Variants in KLHL1 observed in about 807,000 individuals in gnomAD.
The protein encoded by KLHL1 is kelch-like protein 1.
In KLHL1, 47 loss-of-function variants were observed where a neutral mutation model predicts 77.7. The observed-to-expected ratio is 0.60, with a 90% CI of 0.48 to 0.77. The LOEUF (loss-of-function observed/expected upper bound fraction) is 0.77. Among genes scored for constraint, KLHL1 ranks in the 30% least tolerant of loss-of-function variants. The probability of loss-of-function intolerance (pLI) is 0.00; values close to 1 mark genes in which losing one functional copy is unlikely to be tolerated. For missense variants in KLHL1, 925 were observed against 910.8 expected, an observed-to-expected ratio of 1.02 and a Z score of -0.20; for synonymous variants, 360 against 325.2, an observed-to-expected ratio of 1.11 and a Z score of -1.15.
At chr13:69,934,962 G>GCATATATATATATATATATA in intron 4 of KLHL1, among the ~76,000 whole-genome samples, 1 of 129,800 alleles carries the variant, frequency 7.7e-6, no homozygotes, top group East Asian at 2.7e-4. Context: ...GTGTGCATGT[G>GCATATATATATATATATATA]TATATATATA....
chr13:69,895,146 C>T (rs191664401), intron 4 of KLHL1: 431 of 466,276 alleles, frequency 9.2e-4, no homozygotes, highest in Non-Finnish European at 1.6e-3. Context: ...ATGAATTCTT[C>T]CTCCATGAGA....
chr13:69,933,252 A>C (rs1243804827), intron 4 of KLHL1, among the ~76,000 whole-genome samples: 2 of 152,168 alleles, frequency 1.3e-5, no homozygotes, highest in Non-Finnish European at 2.9e-5. Flanking sequence ...ACAAAATGAT[A>C]AATAAAAGAA....
chr13:69,718,700 G>T (rs1396997325), intron 9 of KLHL1, among the ~76,000 whole-genome samples: 1 of 152,050 alleles, frequency 6.6e-6, no homozygotes, highest in Non-Finnish European at 1.5e-5. Context: ...AGCCCAAAGA[G>T]AACTCAGCGA....
chr13:69,784,048 G>T (rs1426512629), intron 7 of KLHL1, among the ~76,000 whole-genome samples: 11 of 152,092 alleles, frequency 7.2e-5, no homozygotes, highest in Non-Finnish European at 1.3e-4. Context: ...TTAAAGAAAA[G>T]AATTTTCAAC....
rs186952637 is a variant in KLHL1 at position 70,105,617 on chromosome 13, C to T, written c.497+1586G>A. 1.3e-4 allele frequency among the ~76,000 whole-genome samples: 19 copies of T among 151,358 alleles called. No individual in the cohort carries two copies. In the East Asian group the frequency reaches 2.0e-3, roughly 16 times the overall value. ...CCTTTTGAATATATAAGGTGAATTGCTTAATGTTTCTGGATAATTCCTCCC... is the reference window on the plus strand; with the variant it reads ...CCTTTTGAATATATAAGGTGAATTGTTTAATGTTTCTGGATAATTCCTCCC... On this transcript the variant is annotated intron_variant, in intron 1 of 10. Coordinates refer to ENST00000377844, the MANE Select transcript of KLHL1 (RefSeq NM_020866.3).
chr13:70,084,538 A>C (rs1348205885), intron 1 of KLHL1, among the ~76,000 whole-genome samples: 1 of 129,368 alleles, frequency 7.7e-6, no homozygotes, highest in African/African-American at 3.0e-5. Context: ...TGCTCACTGC[A>C]AGCTCCACCT....
intron 6 of KLHL1, among the ~76,000 whole-genome samples, chr13:69,813,599 T>A (rs954828049): frequency 1.3e-5 from 2 of 152,014 alleles, no homozygotes; most frequent in Non-Finnish European, 2.9e-5. Flanking sequence ...CATTTCTATA[T>A]ACAAATAATG....
intron 1 of KLHL1, among the ~76,000 whole-genome samples, chr13:69,981,942 T>A (rs1312101686): frequency 1.8e-5 from 2 of 113,190 alleles, no homozygotes; most frequent in South Asian, 2.2e-4. Flanking sequence ...AAATAATAAC[T>A]TTTTTTCAGA....
chr13:69,868,252 A>T (rs1880446936), intron 5 of KLHL1, among the ~76,000 whole-genome samples: 1 of 152,126 alleles, frequency 6.6e-6, no homozygotes, highest in African/African-American at 2.4e-5. Context: ...CTGCCAAATA[A>T]ATTAAAAACA....
intron 1 of KLHL1, among the ~76,000 whole-genome samples, chr13:70,043,729 A>G (rs1596076): frequency 0.063 from 9,541 of 152,298 alleles, 881 homozygotes; most frequent in African/African-American, 0.2. Context: ...TATACCATGT[A>G]GCCTACATGT....
At chr13:70,054,610 C>A (rs779411547) in intron 1 of KLHL1, among the ~76,000 whole-genome samples, 5 of 151,664 alleles carry the variant, frequency 3.3e-5, no homozygotes, top group Non-Finnish European at 5.9e-5. Flanking sequence ...AAATATGTAA[C>A]CTTTCAGACA....
At chr13:69,748,337 T>C (rs1467406106) in intron 7 of KLHL1, among the ~76,000 whole-genome samples, 1 of 152,054 alleles carries the variant, frequency 6.6e-6, no homozygotes. Flanking sequence ...TGCACATGGC[T>C]GAGGAGGCCT....
chr13:70,099,298 A>G (rs980273966), intron 1 of KLHL1, among the ~76,000 whole-genome samples: 2 of 151,718 alleles, frequency 1.3e-5, no homozygotes, highest in African/African-American at 2.4e-5. Flanking sequence ...CTGCCCCATT[A>G]ATGTAAAGCC....
At chr13:69,908,838 A>G (rs1272691068) in intron 4 of KLHL1, among the ~76,000 whole-genome samples, 2 of 151,144 alleles carry the variant, frequency 1.3e-5, no homozygotes, top group Non-Finnish European at 3.0e-5. Context: ...AGAGTTTATT[A>G]TAGTATATGG....
At chr13:69,786,550 G>A (rs7334579) in intron 7 of KLHL1, among the ~76,000 whole-genome samples, 9,227 of 152,030 alleles carry the variant, frequency 0.061, 594 homozygotes, top group African/African-American at 0.16. Context: ...AGCCAATATC[G>A]TACTGAATGG....
chr13:69,780,695 T>G (rs1437638530), intron 7 of KLHL1, among the ~76,000 whole-genome samples: 1 of 17,844 alleles, frequency 5.6e-5, no homozygotes, highest in Non-Finnish European at 9.4e-5. Flanking sequence ...CATATATATA[T>G]ATATATGTAT....
intron 1 of KLHL1, among the ~76,000 whole-genome samples, chr13:70,061,141 C>T (rs574140654): frequency 6.6e-6 from 1 of 152,172 alleles, no homozygotes; most frequent in South Asian, 2.1e-4. Flanking sequence ...ATGGTATATT[C>T]TCTACTCACT....
chr13:69,863,218 A>G (rs1254658646), intron 5 of KLHL1, among the ~76,000 whole-genome samples: 1 of 151,986 alleles, frequency 6.6e-6, no homozygotes, highest in Non-Finnish European at 1.5e-5. Context: ...TTTTTCTCAT[A>G]TATTCTAATC....
intron 1 of KLHL1, among the ~76,000 whole-genome samples, chr13:70,040,679 C>T (rs1468868828): frequency 1.3e-5 from 2 of 152,026 alleles, no homozygotes; most frequent in Non-Finnish European, 2.9e-5. Flanking sequence ...TATAATGTGC[C>T]ACAATTTGGA....
Sources: gnomAD v4.1 joint callset for allele counts (sites outside exome capture counted in the v4.1 genomes callset) on GRCh38, gnomAD v4.1.1 for gene constraint, MANE v1.5 for transcripts, NCBI Gene and HGNC (gene_info 2026-07-23, HGNC 2026-07-21) for gene names.